XKR9: variants seen among roughly 807,000 people sequenced by gnomAD.
The protein encoded by XKR9 is XK-related protein 9.
In XKR9, 32 loss-of-function variants were observed where a neutral mutation model predicts 32.0. The observed-to-expected ratio is 1.00, with a 90% CI of 0.76 to 1.34. The LOEUF (loss-of-function observed/expected upper bound fraction) is 1.34. XKR9 is among the 40% of genes most tolerant of loss of function. XKR9 has a pLI of 0.00. For missense variants in XKR9, 546 were observed against 429.7 expected (o/e 1.27, Z -2.39); for synonymous variants, 168 against 143.4 (o/e 1.17, Z -1.22).
the XKR9 span, among the ~76,000 whole-genome samples, chr8:70,882,912 A>G: frequency 1.3e-5 from 2 of 149,378 alleles, no homozygotes; most frequent in African/African-American, 5.1e-5. Context: ...CCTGTGCTTT[A>G]TCTAGTTAGC....
chr8:71,021,227 C>T, the XKR9 span, among the ~76,000 whole-genome samples: 1 of 152,136 alleles, frequency 6.6e-6, no homozygotes, highest in African/African-American at 2.4e-5. Flanking sequence ...CCTCCATGAC[C>T]CAAACACCTC....
chr8:71,020,785 T>G, the XKR9 span, among the ~76,000 whole-genome samples: 1 of 152,252 alleles, frequency 6.6e-6, no homozygotes, highest in Non-Finnish European at 1.5e-5. Context: ...CCCTTCTAGC[T>G]ATTTTGAAAT....
intron 3 of XKR9, 70 bp from the exon 4 acceptor site, chr8:70,706,862 TA>T: frequency 8.0e-6 from 3 of 375,182 alleles, no homozygotes; most frequent in Non-Finnish European, 1.4e-5. Flanking sequence ...TTTTCCAAAT[TA>T]TTATGTGTAT....
chr8:70,740,265 C>A (rs200238168), downstream of XKR9, among the ~76,000 whole-genome samples: 3 of 152,276 alleles, frequency 2.0e-5, no homozygotes, highest in East Asian at 5.8e-4. Flanking sequence ...CGCATTGGCT[C>A]CTGAGTCTTC....
At chr8:70,885,421 T>C in the XKR9 span, among the ~76,000 whole-genome samples, 2 of 152,298 alleles carry the variant, frequency 1.3e-5, no homozygotes, top group South Asian at 4.1e-4. Flanking sequence ...AAATTTTACT[T>C]TAAGTTCTGG....
the XKR9 span, among the ~76,000 whole-genome samples, chr8:71,005,888 G>A: frequency 6.6e-6 from 1 of 152,238 alleles, no homozygotes; most frequent in East Asian, 1.9e-4. Flanking sequence ...TACCAGTTTG[G>A]GATCTTTACA....
chr8:70,874,933 A>G, the XKR9 span, among the ~76,000 whole-genome samples: 3 of 152,116 alleles, frequency 2.0e-5, no homozygotes, highest in Non-Finnish European at 2.9e-5. Context: ...AGTTTTATTG[A>G]TTCTGGTTGT....
the XKR9 span, among the ~76,000 whole-genome samples, chr8:70,978,091 A>C: frequency 2.6e-5 from 4 of 152,046 alleles, no homozygotes; most frequent in African/African-American, 9.7e-5. Context: ...TGCTTGGTAG[A>C]TCTTCCTCCA....
chr8:70,934,169 CTGGTTGAGCAT>C, the XKR9 span, among the ~76,000 whole-genome samples: 2 of 152,026 alleles, frequency 1.3e-5, no homozygotes, highest in African/African-American at 4.8e-5. Context: ...AGACCCTTGC[CTGGTTGAGCAT>C]TGGTCAGCCA....
chr8:70,732,295 T>C (rs574666433), intron 4 of XKR9, among the ~76,000 whole-genome samples: 2 of 152,226 alleles, frequency 1.3e-5, no homozygotes, highest in African/African-American at 4.8e-5. Flanking sequence ...CTACAGACAC[T>C]CTGCCATGGA....
chr8:70,838,771 G>A, the XKR9 span, among the ~76,000 whole-genome samples: 1 of 152,028 alleles, frequency 6.6e-6, no homozygotes, highest in African/African-American at 2.4e-5. Context: ...AAGTGTGGAA[G>A]TTTTTTCTAC....
intron 3 of XKR9, among the ~76,000 whole-genome samples, chr8:70,682,980 A>C (rs1819135831): frequency 6.6e-6 from 1 of 152,208 alleles, no homozygotes; most frequent in Admixed American, 6.5e-5. Flanking sequence ...GATGTACTAT[A>C]ATCTATTGAA....
the XKR9 span, among the ~76,000 whole-genome samples, chr8:70,942,589 G>A: frequency 6.6e-5 from 10 of 152,092 alleles, no homozygotes; most frequent in South Asian, 2.1e-4. Flanking sequence ...TTTCACTTAC[G>A]AGTGCCAATG....
At chr8:70,987,725 G>A in the XKR9 span, among the ~76,000 whole-genome samples, 1 of 152,284 alleles carries the variant, frequency 6.6e-6, no homozygotes. Flanking sequence ...GCTCCACTAG[G>A]CAGTGCCCCA....
chr8:70,936,228 A>G, the XKR9 span, among the ~76,000 whole-genome samples: 1 of 152,110 alleles, frequency 6.6e-6, no homozygotes. Flanking sequence ...AAAGCCTAAT[A>G]GAAGGCTTTG....
the XKR9 span, among the ~76,000 whole-genome samples, chr8:70,977,233 A>G: frequency 1.3e-5 from 2 of 151,846 alleles, no homozygotes; most frequent in African/African-American, 4.8e-5. Context: ...TTGTGTCTCT[A>G]TCTCCTTCAG....
chr8:70,829,560 T>C, the XKR9 span, among the ~76,000 whole-genome samples: 2 of 152,202 alleles, frequency 1.3e-5, no homozygotes, highest in Admixed American at 6.5e-5. Flanking sequence ...GCCATTCTCC[T>C]GCCTCAGCCT....
the XKR9 span, among the ~76,000 whole-genome samples, chr8:70,807,337 A>G: frequency 6.6e-6 from 1 of 152,342 alleles, no homozygotes; most frequent in Non-Finnish European, 1.5e-5. Flanking sequence ...CCAAGACAAT[A>G]TGAAGAAACT....
chr8:70,700,980 C>A (rs1296476201), intron 3 of XKR9, among the ~76,000 whole-genome samples: 4 of 152,220 alleles, frequency 2.6e-5, no homozygotes, highest in Admixed American at 2.0e-4. Flanking sequence ...GGGCGTAGGA[C>A]CCTCCGAGCC....
Sources: allele counts gnomAD v4.1 joint callset (sites outside exome capture counted in the v4.1 genomes callset), GRCh38; gene constraint gnomAD v4.1.1; transcripts MANE v1.5; gene names NCBI Gene and HGNC (gene_info 2026-07-23, HGNC 2026-07-21).